The following NELL1 variants were observed in gnomAD, a reference collection of about 807,000 sequenced individuals.
NELL1 encodes protein kinase C-binding protein NELL1.
NELL1 carries 76 observed loss-of-function variants against 107.4 expected under a neutral mutation model. The observed-to-expected ratio is 0.71, with a 90% CI of 0.59 to 0.86. NELL1 has a LOEUF of 0.86. NELL1 is among the 40% of genes least tolerant of loss of function. NELL1 has a pLI of 0.00. For missense variants in NELL1, 1,024 were observed against 1,005.5 expected (o/e 1.02, Z -0.25); for synonymous variants, 353 against 341.2 (o/e 1.03, Z -0.38).
chr11:21,559,570 C>T (rs1017446341), intron 16 of NELL1, among the ~76,000 whole-genome samples: 5 of 152,148 alleles, frequency 3.3e-5, no homozygotes, highest in East Asian at 1.9e-4. Flanking sequence ...TTTTTATGCA[C>T]GGGCAAATAT....
At chr11:20,986,161 A>G (rs1209544289) in intron 12 of NELL1, among the ~76,000 whole-genome samples, 1 of 152,136 alleles carries the variant, frequency 6.6e-6, no homozygotes, top group Non-Finnish European at 1.5e-5. Context: ...CTTTTGTGAT[A>G]CACCCAGCCC....
intron 13 of NELL1, among the ~76,000 whole-genome samples, chr11:21,161,966 T>TTTTC (rs995525574): frequency 2.1e-5 from 3 of 145,906 alleles, no homozygotes; most frequent in Admixed American, 6.8e-5. Context: ...TTTTTTTTTT[T>TTTTC]TTGAGACAGA....
chr11:20,999,252 C>A (rs1852161886), intron 12 of NELL1, among the ~76,000 whole-genome samples: 1 of 152,176 alleles, frequency 6.6e-6, no homozygotes, highest in South Asian at 2.1e-4. Context: ...TCTTTGTTTG[C>A]CACATTGCCC....
chr11:20,932,565 G>A (rs919058401), intron 9 of NELL1, among the ~76,000 whole-genome samples: 1 of 152,208 alleles, frequency 6.6e-6, no homozygotes. Context: ...GACACGTATG[G>A]ATCATTTACT....
intron 16 of NELL1, among the ~76,000 whole-genome samples, chr11:21,537,224 T>A (rs969320649): frequency 6.6e-6 from 1 of 152,166 alleles, no homozygotes; most frequent in African/African-American, 2.4e-5. Flanking sequence ...ACTATGTAAG[T>A]CAGATAATGA....
At chr11:20,735,093 A>C (rs970481709) in intron 2 of NELL1, among the ~76,000 whole-genome samples, 1 of 152,156 alleles carries the variant, frequency 6.6e-6, no homozygotes, top group African/African-American at 2.4e-5. Context: ...AGCAAAGGTT[A>C]CTAAGAAGAA....
intron 9 of NELL1, among the ~76,000 whole-genome samples, chr11:20,931,885 A>G (rs571832500): frequency 5.7e-5 from 7 of 122,658 alleles, no homozygotes; most frequent in Non-Finnish European, 7.3e-5. Flanking sequence ...GTGGGGTAGT[A>G]TTCTAGGGAC....
intron 12 of NELL1, among the ~76,000 whole-genome samples, chr11:21,005,942 G>C (rs984194611): frequency 2.6e-5 from 4 of 151,920 alleles, no homozygotes; most frequent in African/African-American, 9.7e-5. Context: ...AATCCCACCT[G>C]TGTCAGTTAT....
At chr11:21,167,756 A>C (rs180839643) in intron 13 of NELL1, among the ~76,000 whole-genome samples, 1 of 151,736 alleles carries the variant, frequency 6.6e-6, no homozygotes, top group African/African-American at 2.4e-5. Context: ...TTCAGGCCAC[A>C]TTTGCACAAG....
chr11:21,090,447 A>AG (rs2133687688), intron 12 of NELL1, among the ~76,000 whole-genome samples: 1 of 152,286 alleles, frequency 6.6e-6, no homozygotes, highest in South Asian at 2.1e-4. Flanking sequence ...TATTAAAAAA[A>AG]GCATTTATGT....
chr11:21,163,650 T>A (rs1276690317), intron 13 of NELL1, among the ~76,000 whole-genome samples: 1 of 152,162 alleles, frequency 6.6e-6, no homozygotes, highest in Non-Finnish European at 1.5e-5. Flanking sequence ...TTTCTCATAG[T>A]TCTGGGGGTC....
At chr11:21,205,409 C>G (rs964581911) in intron 13 of NELL1, among the ~76,000 whole-genome samples, 6 of 152,202 alleles carry the variant, frequency 3.9e-5, no homozygotes, top group African/African-American at 1.4e-4. Context: ...TTTGTTTACA[C>G]CGTGAGGGTA....
chr11:21,339,637 G>T (rs999177658), intron 14 of NELL1, among the ~76,000 whole-genome samples: 1 of 152,092 alleles, frequency 6.6e-6, no homozygotes, highest in Non-Finnish European at 1.5e-5. Flanking sequence ...AGGCAATCAG[G>T]GTCCGCTGGT....
At chr11:20,956,389 C>T (rs969751199) in intron 11 of NELL1, among the ~76,000 whole-genome samples, 1 of 150,282 alleles carries the variant, frequency 6.7e-6, no homozygotes, top group East Asian at 2.0e-4. Context: ...GCTCACGCCT[C>T]TAATCCCAGC....
intron 15 of NELL1, among the ~76,000 whole-genome samples, chr11:21,520,270 T>C (rs1288289586): frequency 6.6e-6 from 1 of 152,116 alleles, no homozygotes; most frequent in Non-Finnish European, 1.5e-5. Context: ...TTCTAAATTC[T>C]CAGTTTAAGA....
intron 2 of NELL1, among the ~76,000 whole-genome samples, chr11:20,707,353 GTCT>G (rs34491395): frequency 0.19 from 29,466 of 152,108 alleles, 3,117 homozygotes; most frequent in African/African-American, 0.25. Flanking sequence ...ATCGTCTGAA[GTCT>G]TCTTCCCTCA....
At chr11:20,853,903 G>A (rs1051142330) in intron 4 of NELL1, among the ~76,000 whole-genome samples, 1 of 152,062 alleles carries the variant, frequency 6.6e-6, no homozygotes, top group Non-Finnish European at 1.5e-5. Context: ...GAGGCAGAGT[G>A]GGGAAGGAAA....
chr11:20,834,979 C>T (rs1233866906), intron 3 of NELL1, among the ~76,000 whole-genome samples: 3 of 152,196 alleles, frequency 2.0e-5, no homozygotes, highest in Non-Finnish European at 4.4e-5. Flanking sequence ...CCCAACTTAC[C>T]TTTCTGTTGC....
At position 21,215,460 on chromosome 11, in the gene NELL1, T is replaced by C. The variant is rs1857593297; in HGVS notation, c.1427-13872T>C. Among the ~76,000 whole-genome samples, 3 of 152,164 alleles carry C rather than the reference T, an allele frequency of 2.0e-5. No homozygotes were observed. In the South Asian group the frequency reaches 6.2e-4, roughly 32 times the overall value. ...ATAAGGATACCCAAAAATGTGGAAG[T>C]GACTTTGGAACTGGGTAACAGGCAG... On this transcript the variant is annotated intron_variant, in intron 13 of 19. Coordinates refer to ENST00000357134, the MANE Select transcript of NELL1 (RefSeq NM_006157.5).
Sources: gnomAD v4.1 joint callset for allele counts (sites outside exome capture counted in the v4.1 genomes callset) on GRCh38, gnomAD v4.1.1 for gene constraint, MANE v1.5 for transcripts, NCBI Gene and HGNC (gene_info 2026-07-23, HGNC 2026-07-21) for gene names.